Variants in CLNK observed in about 807,000 individuals in gnomAD.
CLNK encodes cytokine dependent hematopoietic cell linker, also known as cytokine-dependent hematopoietic cell linker.
Under a neutral mutation model 68.6 loss-of-function variants are expected in CLNK, and 74 were observed. The ratio of observed to expected loss-of-function variants is 1.08; its 90% confidence interval spans 0.89 to 1.31. CLNK has a LOEUF of 1.31. Among genes scored for constraint, CLNK ranks in the 50% most tolerant of loss-of-function variants. The pLI, the probability that CLNK is intolerant of heterozygous loss-of-function variation, is 0.00. For missense variants in CLNK, 553 were observed against 515.3 expected (o/e 1.07, Z -0.71); for synonymous variants, 198 against 172.2 (o/e 1.15, Z -1.17).
At chr4:10,676,700 T>A (rs1247773598) in intron 1 of CLNK, among the ~76,000 whole-genome samples, 1 of 152,204 alleles carries the variant, frequency 6.6e-6, no homozygotes, top group East Asian at 1.9e-4. Flanking sequence ...AGTGGTAAGA[T>A]TCTTTCTCTC....
At chr4:10,681,426 C>T (rs1011046010) in intron 1 of CLNK, among the ~76,000 whole-genome samples, 6 of 152,216 alleles carry the variant, frequency 3.9e-5, no homozygotes, top group East Asian at 3.9e-4. Context: ...TTATCTTACA[C>T]GAAATTGAAC....
chr4:10,614,204 G>A (rs906042621), intron 2 of CLNK, among the ~76,000 whole-genome samples: 4 of 152,212 alleles, frequency 2.6e-5, no homozygotes, highest in Non-Finnish European at 5.9e-5. Context: ...CATGGAGCCT[G>A]CTGGTAGGAA....
intron 1 of CLNK, among the ~76,000 whole-genome samples, chr4:10,669,994 C>G (rs1220486215): frequency 6.6e-6 from 1 of 152,188 alleles, no homozygotes; most frequent in Non-Finnish European, 1.5e-5. Flanking sequence ...AGTTGAGAGA[C>G]CTCTGTTCAG....
chr4:10,510,114 T>G (rs1717508107), intron 16 of CLNK, among the ~76,000 whole-genome samples: 1 of 152,158 alleles, frequency 6.6e-6, no homozygotes, highest in Non-Finnish European at 1.5e-5. Flanking sequence ...TGGAAGACAT[T>G]TAGAGATTAG....
intron 14 of CLNK, chr4:10,524,111 G>GGAA (rs1718203633): frequency 5.0e-6 from 1 of 198,498 alleles, no homozygotes; most frequent in African/African-American, 2.4e-5. Flanking sequence ...AGGAGGAGGA[G>GGAA]GAGGAGGATG....
At chr4:10,682,769 C>T (rs1296777657) in intron 1 of CLNK, among the ~76,000 whole-genome samples, 4 of 152,132 alleles carry the variant, frequency 2.6e-5, no homozygotes, top group Non-Finnish European at 4.4e-5. Context: ...TGCTCTAATA[C>T]GTGCTCTGCC....
chr4:10,654,393 A>ATATATATATATATATATATATATATATG (rs1408561335), intron 2 of CLNK, among the ~76,000 whole-genome samples: 60 of 133,834 alleles, frequency 4.5e-4, no homozygotes, highest in Non-Finnish European at 7.8e-4. Flanking sequence ...AAATATATAT[A>ATATATATATATATATATATATATATATG]TATATATATA....
chr4:10,621,075 G>A (rs1182878778), intron 2 of CLNK, among the ~76,000 whole-genome samples: 1 of 152,140 alleles, frequency 6.6e-6, no homozygotes, highest in African/African-American at 2.4e-5. Flanking sequence ...ATGCCTGGGT[G>A]ACAGAGCGAG....
At chr4:10,726,933 G>A in the CLNK span, among the ~76,000 whole-genome samples, 1 of 152,170 alleles carries the variant, frequency 6.6e-6, no homozygotes, top group Non-Finnish European at 1.5e-5. Context: ...TGTGTAATAC[G>A]TGTTTCTTTA....
At chr4:10,651,973 A>C (rs1723758634) in intron 2 of CLNK, among the ~76,000 whole-genome samples, 1 of 135,998 alleles carries the variant, frequency 7.4e-6, no homozygotes, top group East Asian at 2.2e-4. Flanking sequence ...CACAAACAAC[A>C]GGAGATCAAA....
intron 2 of CLNK, among the ~76,000 whole-genome samples, chr4:10,659,320 G>A (rs572753707): frequency 2.0e-5 from 3 of 152,282 alleles, no homozygotes; most frequent in East Asian, 1.9e-4. Context: ...TACCAGACAC[G>A]GTGCTACACA....
intron 3 of CLNK, among the ~76,000 whole-genome samples, chr4:10,597,144 C>T (rs1009022274): frequency 4.6e-4 from 70 of 152,190 alleles, no homozygotes; most frequent in Non-Finnish European, 7.3e-4. Flanking sequence ...CTTATAGTGT[C>T]TGGCACATAG....
At chr4:10,518,515 A>G (rs2109044333) in intron 15 of CLNK, among the ~76,000 whole-genome samples, 1 of 152,354 alleles carries the variant, frequency 6.6e-6, no homozygotes, top group South Asian at 2.1e-4. Context: ...CAAACACTAA[A>G]AATGAAAACA....
At chr4:10,615,294 A>G (rs1305400834) in intron 2 of CLNK, among the ~76,000 whole-genome samples, 4 of 152,236 alleles carry the variant, frequency 2.6e-5, no homozygotes, top group Non-Finnish European at 5.9e-5. Context: ...AGCCAGGCCA[A>G]CATGGCAAAA....
At chr4:10,542,824 G>GA (rs548514459) in intron 8 of CLNK, among the ~76,000 whole-genome samples, 102 of 146,444 alleles carry the variant, frequency 7.0e-4, no homozygotes, top group Non-Finnish European at 1.0e-3. Context: ...TTTTATGGAT[G>GA]AAAAAAAAAA....
At chr4:10,589,548 A>G (rs905029884) in intron 3 of CLNK, among the ~76,000 whole-genome samples, 2 of 145,942 alleles carry the variant, frequency 1.4e-5, no homozygotes, top group African/African-American at 2.5e-5. Context: ...AAAACAGGGA[A>G]TGGTGTTGTT....
the CLNK span, among the ~76,000 whole-genome samples, chr4:10,718,349 T>C: frequency 6.6e-6 from 1 of 152,006 alleles, no homozygotes; most frequent in African/African-American, 2.4e-5. Flanking sequence ...ACCCAAATAG[T>C]CATTTTCTGA....
rs767429335 is a variant in CLNK, at chr4:10,584,951, A to G, written c.88T>C (p.Trp30Arg). The change falls in exon 4 of 19, where the codon TGG becomes CGG. Residue 30 changes from tryptophan (W) to arginine (R), a missense_variant. Coordinates refer to ENST00000226951, the MANE Select transcript of CLNK (RefSeq NM_052964.4). ...QNFSLPKNRS[W>R]PRINSATGQY... ...CCTGTGGCACTATTGATGCGAGGCC[A>G]TGACCTAGGGCAGAAAAGAGAACCA... 21 of 1,613,776 alleles carry G rather than the reference A, an allele frequency of 1.3e-5. No individual in the cohort carries two copies. Among genetic ancestry groups the G allele is most frequent in the Non-Finnish European group, 1.8e-5 (21 of 1,179,814 alleles).
At chr4:10,627,764 T>C (rs964735264) in intron 2 of CLNK, among the ~76,000 whole-genome samples, 1 of 152,082 alleles carries the variant, frequency 6.6e-6, no homozygotes, top group Admixed American at 6.5e-5. Flanking sequence ...GTCTGAGAGG[T>C]TGGGTTCCCC....
Sources: gnomAD v4.1 joint callset for allele counts (sites outside exome capture counted in the v4.1 genomes callset) on GRCh38, gnomAD v4.1.1 for gene constraint, MANE v1.5 for transcripts, NCBI Gene and HGNC (gene_info 2026-07-23, HGNC 2026-07-21) for gene names.